Variants in L3MBTL4 observed in about 807,000 individuals in gnomAD.
The protein encoded by L3MBTL4 is L3MBTL histone methyl-lysine binding protein 4, also known as lethal(3)malignant brain tumor-like protein 4.
Under a neutral mutation model 84.5 loss-of-function variants are expected in L3MBTL4, and 70 were observed. That is an observed-to-expected ratio of 0.83 (90% CI 0.68 to 1.01). L3MBTL4 has a LOEUF of 1.01. Ranked by LOEUF, L3MBTL4 falls within the 50% of genes least tolerant of loss-of-function variation. L3MBTL4 has a pLI of 0.00. For missense variants in L3MBTL4, 715 were observed against 754.8 expected, an observed-to-expected ratio of 0.95 and a Z score of 0.62; for synonymous variants, 274 against 259.8, an observed-to-expected ratio of 1.05 and a Z score of -0.52.
intron 12 of L3MBTL4, among the ~76,000 whole-genome samples, chr18:6,206,009 G>T (rs1304924885): frequency 1.3e-5 from 2 of 152,184 alleles, no homozygotes; most frequent in Non-Finnish European, 2.9e-5. Context: ...AGTACATATT[G>T]CACATTCTGA....
Position 6,149,518 on chromosome 18 carries a change from T to C in L3MBTL4, c.1097-11222A>G, listed in dbSNP as rs367942661. ...GTGCCGCAATAAACATACGTGTGCATGTGTCTTTATAGCAGCATGATTTAT... is the reference window on the plus strand; with the variant it reads ...GTGCCGCAATAAACATACGTGTGCACGTGTCTTTATAGCAGCATGATTTAT... On this transcript the variant is annotated intron_variant, in intron 13 of 18. Coordinates refer to ENST00000317931, the MANE Select transcript of L3MBTL4 (RefSeq NM_001330559.2). Among the ~76,000 whole-genome samples, 39 of 152,120 alleles carry C rather than the reference T, an allele frequency of 2.6e-4. No individual in the cohort carries two copies. In the East Asian group the frequency reaches 6.8e-3, roughly 26 times the overall value.
At chr18:6,025,831 G>A (rs577237949) in intron 16 of L3MBTL4, among the ~76,000 whole-genome samples, 3 of 152,228 alleles carry the variant, frequency 2.0e-5, no homozygotes, top group Non-Finnish European at 4.4e-5. Context: ...CTGACAGGAG[G>A]TGGAGCTCAG....
At chr18:6,064,601 T>TC (rs1568055248) in intron 16 of L3MBTL4, among the ~76,000 whole-genome samples, 6 of 151,296 alleles carry the variant, frequency 4.0e-5, no homozygotes. Context: ...TTCCTAGGTT[T>TC]TTTTTTTTTT....
Position 6,184,274 on chromosome 18 carries a change from G to A in L3MBTL4, c.982-12332C>T, listed in dbSNP as rs117477460. On this transcript the variant is annotated intron_variant, in intron 12 of 18. Transcript: ENST00000317931. ...TCATTTAGACTCTGATTTTACATCC[G>A]TCACGGTAATTCGACTATTATTTGA... is the stretch of plus-strand genomic sequence containing the variant. 3.2e-3 allele frequency among the ~76,000 whole-genome samples: 485 copies of A among 152,136 alleles called. 3 individuals are homozygous for A. The highest frequency in any genetic ancestry group is 6.2e-3 in the Admixed American group (95 of 15,280).
rs994719870 is a variant in L3MBTL4, at chr18:6,096,070, A to AT, written c.1200-2543dup. On this transcript the variant is annotated intron_variant, in intron 14 of 18. Coordinates refer to ENST00000317931, the MANE Select transcript of L3MBTL4 (RefSeq NM_001330559.2). Reference sequence around the variant, plus strand: ...TTTTAAATGATCATTATAACCATGAATTTTTTTTTTTGTAATTTCGTGTCA... The same window carrying AT: ...TTTTAAATGATCATTATAACCATGAATTTTTTTTTTTTGTAATTTCGTGTCA... 8.0e-4 allele frequency among the ~76,000 whole-genome samples: 119 copies of AT among 148,186 alleles called. 1 individual carries two copies. Among genetic ancestry groups the AT allele is most frequent in the East Asian group, 1.4e-3 (7 of 5,066 alleles).
rs553188085 is a variant in L3MBTL4, at chr18:6,272,763, A to G, written c.128-8725T>C. On this transcript the variant is annotated intron_variant, in intron 4 of 18. Transcript: ENST00000317931. Reference sequence around the variant, plus strand: ...GCACGGGGAAAGGGAGAGTTGTGCAAATTCAACTAGGACTGAATATAAGGA... The same window carrying G: ...GCACGGGGAAAGGGAGAGTTGTGCAGATTCAACTAGGACTGAATATAAGGA... 2.7e-3 allele frequency among the ~76,000 whole-genome samples: 142 copies of G among 52,752 alleles called. 2 individuals are homozygous for G. The highest frequency in any genetic ancestry group is 3.2e-3 in the Non-Finnish European group (95 of 29,784). The allele number at this position is 52,752 out of a possible 152,430, so 34.6% of individuals were successfully genotyped here. A position where few individuals can be genotyped will look rare whatever the true frequency, so the allele number is the denominator to read the frequency against.
chr18:6,396,836 T>G (rs1055181117), intron 1 of L3MBTL4: 1 of 152,344 alleles, frequency 6.6e-6, no homozygotes, highest in African/African-American at 2.4e-5. Flanking sequence ...TCATTTGATC[T>G]TCAAAACAAC....
intron 1 of L3MBTL4, among the ~76,000 whole-genome samples, chr18:6,400,981 C>T (rs1460914234): frequency 1.3e-5 from 2 of 152,170 alleles, no homozygotes; most frequent in Non-Finnish European, 2.9e-5. Context: ...CCTCAATGTA[C>T]ACTCCTAGAG....
At chr18:6,153,178 G>C (rs1352171604) in intron 13 of L3MBTL4, among the ~76,000 whole-genome samples, 1 of 152,088 alleles carries the variant, frequency 6.6e-6, no homozygotes, top group Non-Finnish European at 1.5e-5. Context: ...CTCCAGCTTT[G>C]TTCTTCTTTC....
chr18:6,284,002 G>A (rs988350665), intron 4 of L3MBTL4, among the ~76,000 whole-genome samples: 2 of 152,194 alleles, frequency 1.3e-5, no homozygotes, highest in Non-Finnish European at 1.5e-5. Context: ...CATTCTCTAC[G>A]TATGTGGCCG....
In L3MBTL4 at chr18:6,353,990, A is replaced by C. The variant is rs145187137; in HGVS notation, c.-90-41934T>G. Among the ~76,000 whole-genome samples the C allele has an allele frequency of 4.9e-3, 739 of 152,278 alleles. 11 individuals carry two copies. Among genetic ancestry groups the C allele is most frequent in the African/African-American group, 0.017 (706 of 41,566 alleles). On this transcript the variant is annotated intron_variant, in intron 1 of 18. Transcript: ENST00000317931. ...GAATAGACAAAGACAACCTAAACAA[A>C]AAGAACAAACCTGAAGGAATCATGT...
intron 1 of L3MBTL4, among the ~76,000 whole-genome samples, chr18:6,408,428 CTG>C (rs2055825310): frequency 6.6e-6 from 1 of 152,224 alleles, no homozygotes; most frequent in East Asian, 1.9e-4. Flanking sequence ...CAGACAGATT[CTG>C]TTTCTCTTAG....
At chr18:6,193,360 C>T (rs77064158) in intron 12 of L3MBTL4, among the ~76,000 whole-genome samples, 4,070 of 151,952 alleles carry the variant, frequency 0.027, 74 homozygotes, top group African/African-American at 0.042. Flanking sequence ...TTTGAAGACA[C>T]GAGAGTCAAA....
chr18:6,209,401 C>G (rs776085167), intron 12 of L3MBTL4, among the ~76,000 whole-genome samples: 10 of 148,042 alleles, frequency 6.8e-5, no homozygotes, highest in Non-Finnish European at 1.3e-4. Context: ...TAATGATAAT[C>G]CTGATTTCTT....
intron 5 of L3MBTL4, among the ~76,000 whole-genome samples, chr18:6,251,086 A>T (rs2047904439): frequency 6.6e-6 from 1 of 152,254 alleles, no homozygotes; most frequent in Admixed American, 6.5e-5. Context: ...TAATGTCAAA[A>T]ATAATTCAAA....
chr18:6,209,239 C>T (rs1189366521), intron 12 of L3MBTL4, among the ~76,000 whole-genome samples: 2 of 152,112 alleles, frequency 1.3e-5, no homozygotes, highest in East Asian at 3.9e-4. Flanking sequence ...AACATACTTG[C>T]TAAGTGTCCA....
chr18:6,350,368 C>A (rs923214758), intron 1 of L3MBTL4, among the ~76,000 whole-genome samples: 1 of 151,958 alleles, frequency 6.6e-6, no homozygotes, highest in African/African-American at 2.4e-5. Context: ...GGATTAATAT[C>A]CAGAATATAT....
intron 14 of L3MBTL4, among the ~76,000 whole-genome samples, chr18:6,127,401 C>G (rs943656060): frequency 6.6e-6 from 1 of 152,028 alleles, no homozygotes; most frequent in Admixed American, 6.6e-5. Context: ...AATTGGACAC[C>G]CCAGTTCTAC....
At chr18:6,138,373 C>T in intron 13 of L3MBTL4, 77 bp from the exon 14 acceptor site, 1 of 831,566 alleles carries the variant, frequency 1.2e-6, no homozygotes, top group East Asian at 2.7e-5. Flanking sequence ...GTAAATGATG[C>T]TAATTAAGAC....
Sources: gnomAD v4.1 joint callset for allele counts (sites outside exome capture counted in the v4.1 genomes callset) on GRCh38, gnomAD v4.1.1 for gene constraint, MANE v1.5 for transcripts, NCBI Gene and HGNC (gene_info 2026-07-23, HGNC 2026-07-21) for gene names.